Variants in FAM13B observed in about 807,000 individuals in gnomAD.
FAM13B encodes protein FAM13B.
FAM13B carries 60 observed loss-of-function variants against 117.3 expected under a neutral mutation model. The observed-to-expected ratio is 0.51, with a 90% CI of 0.42 to 0.63. FAM13B has a LOEUF of 0.63. Among genes scored for constraint, FAM13B ranks in the 30% least tolerant of loss-of-function variants. The probability of loss-of-function intolerance (pLI) is 0.00; values close to 1 mark genes in which losing one functional copy is unlikely to be tolerated. For missense variants in FAM13B, 972 were observed against 1,091.9 expected, an observed-to-expected ratio of 0.89 and a Z score of 1.55; for synonymous variants, 332 against 356.1, an observed-to-expected ratio of 0.93 and a Z score of 0.76.
At chr5:137,949,814 A>C (rs936582800) in intron 17 of FAM13B, among the ~76,000 whole-genome samples, 1 of 135,572 alleles carries the variant, frequency 7.4e-6, no homozygotes, top group Non-Finnish European at 1.6e-5. Context: ...AAAAAAAAAA[A>C]GCTGAGCACT....
chr5:137,954,336 C>T lies in FAM13B; in HGVS notation c.1548G>A (p.Glu516=), dbSNP rs775118190. Residue 516 remains glutamate, a synonymous_variant, in exon 15 of 24, where the codon GAG becomes GAA. Transcript: ENST00000689681. ...GTGGAGACAGCTGAGCTTCTCCAGACTCAGAGTCCTCCTGCCAAGACTTAA... is the reference window on the plus strand; with the variant it reads ...GTGGAGACAGCTGAGCTTCTCCAGATTCAGAGTCCTCCTGCCAAGACTTAA... ...PAFKSWQEDS[E]SGEAQLSPQA... is the part of the protein sequence containing the mutation. 8 of 1,613,816 alleles carry T rather than the reference C, an allele frequency of 5.0e-6. No individual in the cohort carries two copies. In the African/African-American group the frequency reaches 6.7e-5, roughly 13 times the overall value.
intron 7 of FAM13B, among the ~76,000 whole-genome samples, chr5:137,996,292 C>G (rs11242405): frequency 7.9e-5 from 12 of 151,720 alleles, no homozygotes; most frequent in Admixed American, 5.9e-4. Context: ...CCGGCCACCA[C>G]GCCTGGCTAA....
chr5:138,052,023 T>C (rs1180293046), upstream of FAM13B: 1 of 152,096 alleles, frequency 6.6e-6, no homozygotes, highest in African/African-American at 2.4e-5. Flanking sequence ...ATCTGTGTCC[T>C]TAGAGATAAA....
intron 23 of FAM13B, 93 bp from the exon 24 acceptor site, chr5:137,940,441 C>CG (rs1761327511): frequency 1.5e-6 from 1 of 650,922 alleles, no homozygotes; most frequent in Non-Finnish European, 2.5e-6. Flanking sequence ...TGTTACTAAA[C>CG]ATAAGTTCAA....
At chr5:137,995,030 T>C (rs1779525693) in intron 7 of FAM13B, among the ~76,000 whole-genome samples, 1 of 152,220 alleles carries the variant, frequency 6.6e-6, no homozygotes, top group African/African-American at 2.4e-5. Flanking sequence ...CAACACAGCC[T>C]TGGAAACCAT....
intron 10 of FAM13B, among the ~76,000 whole-genome samples, chr5:137,974,119 G>A (rs1372773048): frequency 6.7e-6 from 1 of 149,754 alleles, no homozygotes; most frequent in Non-Finnish European, 1.5e-5. Flanking sequence ...ATACCCAAAG[G>A]ACTATAAATC....
At chr5:138,014,929 T>C (rs1246077743) in intron 4 of FAM13B, among the ~76,000 whole-genome samples, 3 of 152,250 alleles carry the variant, frequency 2.0e-5, no homozygotes, top group African/African-American at 7.2e-5. Context: ...AGGAAAATAA[T>C]GTATGTATCA....
intron 10 of FAM13B, among the ~76,000 whole-genome samples, chr5:137,978,286 T>G (rs958505040): frequency 1.3e-5 from 2 of 152,164 alleles, no homozygotes; most frequent in Admixed American, 1.3e-4. Flanking sequence ...ACCTCTGATT[T>G]GTATGTATTT....
chr5:137,989,605 A>G (rs958170305), intron 7 of FAM13B, among the ~76,000 whole-genome samples: 1 of 152,122 alleles, frequency 6.6e-6, no homozygotes, highest in African/African-American at 2.4e-5. Flanking sequence ...CTGGAGGTTC[A>G]CTTGAAACCA....
chr5:138,020,326 T>C (rs1786394528), intron 2 of FAM13B, among the ~76,000 whole-genome samples: 1 of 152,230 alleles, frequency 6.6e-6, no homozygotes, highest in Non-Finnish European at 1.5e-5. Flanking sequence ...TCCAAAGCGC[T>C]GGGATTATAG....
intron 1 of FAM13B, among the ~76,000 whole-genome samples, chr5:138,041,901 A>T (rs2151127723): frequency 6.6e-6 from 1 of 152,164 alleles, no homozygotes. Flanking sequence ...TCAAAAAAAA[A>T]AAAAATATTA....
At chr5:138,036,826 C>T (rs1356369144), upstream of FAM13B, 1 of 344,788 alleles carries the variant, frequency 2.9e-6, no homozygotes, top group African/African-American at 2.2e-5. Flanking sequence ...TTTTGGGGGA[C>T]CATGTGTGCA....
intron 10 of FAM13B, among the ~76,000 whole-genome samples, chr5:137,972,050 C>T (rs2150403999): frequency 6.7e-6 from 1 of 149,960 alleles, no homozygotes; most frequent in East Asian, 1.9e-4. Flanking sequence ...GGAACTGGTA[C>T]CATTCCTTCT....
In FAM13B at chr5:137,946,274, G is replaced by A; in HGVS notation, c.2198C>T (p.Ser733Phe). ...TKDHLVEEKA[S>F]LQKSLLYYES... ...ATAGTAAAGAAGACTTTTCTGAAGA[G>A]AAGCTTTCTCTTCTACCAAATGATC... The change falls in exon 19 of 24, where the codon TCT (serine) becomes TTT (phenylalanine). Residue 733 changes from serine to phenylalanine, a missense_variant. Coordinates refer to ENST00000689681, the MANE Select transcript of FAM13B (RefSeq NM_001385994.1). The A allele has an allele frequency of 6.3e-7, 1 of 1,582,128 alleles. No individual in the cohort carries two copies. The highest frequency in any genetic ancestry group is 8.5e-7 in the Non-Finnish European group (1 of 1,169,768).
At chr5:137,942,425 C>T (rs1460260412) in intron 22 of FAM13B, 3 of 222,088 alleles carry the variant, frequency 1.4e-5, no homozygotes, top group East Asian at 1.1e-4. Context: ...AACAGCGGTG[C>T]GACAGTGGCC....
chr5:138,010,999 T>G lies in FAM13B; in HGVS notation c.690+9A>C. The G allele has an allele frequency of 2.9e-6, 4 of 1,380,088 alleles. No individual in the cohort carries two copies. Among genetic ancestry groups the G allele is most frequent in the African/African-American group, 1.5e-5 (1 of 65,284 alleles). The allele number at this position is 1,380,088 out of a possible 1,614,324, so 85.5% of individuals were successfully genotyped here. ...AAAAAAATTATCCCTCCAAATAGAA[T>G]ATTCTCACCTGTTCAGTAATTGAAC... On this transcript the variant is annotated intron_variant, in intron 6 of 23. Coordinates refer to ENST00000689681, the MANE Select transcript of FAM13B (RefSeq NM_001385994.1).
At chr5:138,043,116 G>T (rs1472140153) in intron 1 of FAM13B, among the ~76,000 whole-genome samples, 1 of 152,038 alleles carries the variant, frequency 6.6e-6, no homozygotes, top group Non-Finnish European at 1.5e-5. Flanking sequence ...AACAACAAAA[G>T]AAGAAATTGA....
At chr5:137,958,303 T>G (rs1306804833) in intron 13 of FAM13B, among the ~76,000 whole-genome samples, 1 of 152,206 alleles carries the variant, frequency 6.6e-6, no homozygotes, top group Non-Finnish European at 1.5e-5. Flanking sequence ...ACTTTCTAAT[T>G]TAGTCTAAGT....
upstream of FAM13B, among the ~76,000 whole-genome samples, chr5:138,052,160 A>G (rs1420023270): frequency 6.6e-6 from 1 of 150,736 alleles, no homozygotes; most frequent in Non-Finnish European, 1.5e-5. Flanking sequence ...GTTTCCAGGC[A>G]CCTCCCAACA....
Sources: gnomAD v4.1 joint callset for allele counts (sites outside exome capture counted in the v4.1 genomes callset) on GRCh38, gnomAD v4.1.1 for gene constraint, MANE v1.5 for transcripts, NCBI Gene and HGNC (gene_info 2026-07-23, HGNC 2026-07-21) for gene names.